Variants in KIAA1755 observed in about 807,000 individuals in gnomAD.
The protein encoded by KIAA1755 is uncharacterized protein KIAA1755.
In KIAA1755, 68 loss-of-function variants were observed where a neutral mutation model predicts 91.7. The ratio of observed to expected loss-of-function variants is 0.74; its 90% confidence interval spans 0.61 to 0.91. KIAA1755 has a LOEUF of 0.91. KIAA1755 is among the 40% of genes least tolerant of loss of function. The pLI is 0.00. For missense variants in KIAA1755, 1,535 were observed against 1,494.4 expected (o/e 1.03, Z -0.45); for synonymous variants, 610 against 604.6 (o/e 1.01, Z -0.13).
intron 1 of KIAA1755, among the ~76,000 whole-genome samples, chr20:38,248,314 G>A (rs2076191260): frequency 1.3e-5 from 2 of 152,200 alleles, no homozygotes; most frequent in Non-Finnish European, 2.9e-5. Flanking sequence ...CATAGAGCGG[G>A]AGCCAAGGAA....
chr20:38,250,494 G>GTGTGTGTC (rs2076229740), intron 1 of KIAA1755, among the ~76,000 whole-genome samples: 1 of 131,884 alleles, frequency 7.6e-6, no homozygotes, highest in Non-Finnish European at 1.6e-5. Context: ...TATGGTGTGT[G>GTGTGTGTC]TGTGTGTGTG....
intron 1 of KIAA1755, among the ~76,000 whole-genome samples, chr20:38,254,988 C>T (rs2076315243): frequency 6.6e-6 from 1 of 152,022 alleles, no homozygotes; most frequent in African/African-American, 2.4e-5. Context: ...ACCAGCCTGG[C>T]CAACATAGTG....
intron 1 of KIAA1755, among the ~76,000 whole-genome samples, chr20:38,247,297 C>T (rs942021794): frequency 2.6e-5 from 4 of 152,222 alleles, no homozygotes; most frequent in African/African-American, 9.6e-5. Context: ...CCTCCGCCCC[C>T]GCCTCCCCTC....
At chr20:38,219,900 G>T in intron 10 of KIAA1755, 132 bp from the exon 11 acceptor site, 1 of 1,179,950 alleles carries the variant, frequency 8.5e-7, no homozygotes, top group Non-Finnish European at 1.2e-6. Context: ...CTGTGTGACT[G>T]TGGGCAGGCC....
intron 1 of KIAA1755, among the ~76,000 whole-genome samples, chr20:38,255,967 C>T (rs1046517130): frequency 2.0e-5 from 3 of 152,238 alleles, no homozygotes; most frequent in Non-Finnish European, 4.4e-5. Context: ...ACCAGAGCTG[C>T]TTCCTACTGT....
intron 6 of KIAA1755, 53 bp from the exon 7 acceptor site, chr20:38,227,293 C>G (rs1349375585): frequency 7.2e-7 from 1 of 1,383,148 alleles, no homozygotes; most frequent in Non-Finnish European, 1.0e-6. Context: ...CATGAAGCCT[C>G]ACACACTTTG....
intron 5 of KIAA1755, among the ~76,000 whole-genome samples, chr20:38,228,946 T>C (rs2075810139): frequency 6.6e-6 from 1 of 152,188 alleles, no homozygotes; most frequent in Non-Finnish European, 1.5e-5. Flanking sequence ...TCTTAGGATT[T>C]TCCAAACTGG....
At position 38,239,519 on chromosome 20, in the gene KIAA1755, C is replaced by T. The variant is rs572457255; in HGVS notation, c.1747+9G>A. Reference sequence around the variant, plus strand: ...CTCCCTACCACCTCCTGCTTGAATCCCCTGGAACCTGGCAGGCATGCTATC... The same window carrying T: ...CTCCCTACCACCTCCTGCTTGAATCTCCTGGAACCTGGCAGGCATGCTATC... On this transcript the variant is annotated intron_variant, in intron 4 of 13. Coordinates refer to ENST00000279024, the MANE Select transcript of KIAA1755 (RefSeq NM_001029864.2). The T allele has an allele frequency of 1.2e-6, 2 of 1,613,398 alleles. No individual in the cohort carries two copies. The highest frequency in any genetic ancestry group is 1.3e-5 in the African/African-American group (1 of 75,026).
intron 4 of KIAA1755, among the ~76,000 whole-genome samples, chr20:38,235,724 G>A (rs754428954): frequency 6.6e-6 from 1 of 152,220 alleles, no homozygotes; most frequent in African/African-American, 2.4e-5. Context: ...CATACAGAGC[G>A]ATCAGATAAT....
intron 8 of KIAA1755, among the ~76,000 whole-genome samples, chr20:38,224,985 A>T (rs1035439057): frequency 2.0e-5 from 3 of 151,878 alleles, no homozygotes; most frequent in Admixed American, 2.0e-4. Context: ...CTGTAAATTT[A>T]TTTTATTTTA....
chr20:38,250,502 GTGTGTGTGTC>G (rs2076231250), intron 1 of KIAA1755, among the ~76,000 whole-genome samples: 1 of 141,632 alleles, frequency 7.1e-6, no homozygotes, highest in Non-Finnish European at 1.5e-5. Flanking sequence ...GTGTGTGTGT[GTGTGTGTGTC>G]TGTGTGTGTG....
rs776912322 is a variant in KIAA1755 at position 38,231,275 on chromosome 20, C to T, written c.1798G>A (p.Gly600Arg). The change falls in exon 5 of 14, where the codon GGG (glycine) becomes AGG (arginine). Residue 600 changes from glycine to arginine, a missense_variant. By Grantham distance (125) the Gly-to-Arg change is moderately radical. Coordinates refer to ENST00000279024, the MANE Select transcript of KIAA1755 (RefSeq NM_001029864.2). ...RPLLLVSTTE[G>R]AWEAPWCTVS... is the part of the protein sequence containing the mutation. Reference sequence around the variant, plus strand: ...GTGCACCATGGTGCCTCCCAGGCCCCCTCTGTAGTTGACACCAGAAGCAGG... The same window carrying T: ...GTGCACCATGGTGCCTCCCAGGCCCTCTCTGTAGTTGACACCAGAAGCAGG... 6.2e-7 allele frequency: 1 copy of T among 1,612,748 alleles called. No individual in the cohort carries two copies. Among genetic ancestry groups the T allele is most frequent in the East Asian group, 2.2e-5 (1 of 44,838 alleles).
chr20:38,213,538 T>A lies in KIAA1755; in HGVS notation c.3107A>T (p.Glu1036Val). The change falls in exon 14 of 14, where the codon GAG becomes GTG. Residue 1036 changes from glutamate to valine, a missense_variant. By Grantham distance (121) the Glu-to-Val change is moderately radical (BLOSUM62 -2). Coordinates refer to ENST00000279024, the MANE Select transcript of KIAA1755 (RefSeq NM_001029864.2). ...RAGLGQELWE[E>V]ARIRHEEIRM... ...GATCTCCTCATGCCTGATCCGGGCCTCCTCCCATAGCTCCTGGCCCAGGCC... is the reference window on the plus strand; with the variant it reads ...GATCTCCTCATGCCTGATCCGGGCCACCTCCCATAGCTCCTGGCCCAGGCC... 6.2e-7 allele frequency: 1 copy of A among 1,609,934 alleles called. No individual in the cohort carries two copies. Among genetic ancestry groups the A allele is most frequent in the Non-Finnish European group, 8.5e-7 (1 of 1,178,420 alleles).
chr20:38,227,262 G>A (rs746674671), intron 6 of KIAA1755, 22 bp from the exon 7 acceptor site: 1 of 1,593,304 alleles, frequency 6.3e-7, no homozygotes, highest in African/African-American at 1.3e-5. Flanking sequence ...AACCACTGCA[G>A]AGTTGCTCTG....
intron 4 of KIAA1755, among the ~76,000 whole-genome samples, chr20:38,237,914 G>A (rs1034157501): frequency 2.0e-5 from 3 of 152,118 alleles, no homozygotes; most frequent in Non-Finnish European, 2.9e-5. Context: ...GCATGTGGAC[G>A]TTGCTCATTC....
At chr20:38,228,101 TG>T (rs767278866) in intron 6 of KIAA1755, 45 bp downstream of exon 6, 58 of 1,430,672 alleles carry the variant, frequency 4.1e-5, no homozygotes, top group Admixed American at 1.4e-4. Flanking sequence ...AGGCCCCTGG[TG>T]GCTCCCAGGA....
At chr20:38,229,486 G>A (rs1600598655) in intron 5 of KIAA1755, among the ~76,000 whole-genome samples, 1 of 152,304 alleles carries the variant, frequency 6.6e-6, no homozygotes, top group East Asian at 1.9e-4. Flanking sequence ...TGCCCATGCT[G>A]GACAGTGATT....
At chr20:38,216,882 A>C in intron 13 of KIAA1755, 1 of 491,612 alleles carries the variant, frequency 2.0e-6, no homozygotes, top group Non-Finnish European at 4.0e-6. Context: ...TGCTTGGTGA[A>C]GGGATCTGTC....
rs766465657 is a variant in KIAA1755 at position 38,219,713 on chromosome 20, C to T, written c.2473G>A (p.Val825Ile). Residue 825 changes from valine to isoleucine, a missense_variant, in exon 11 of 14, where the codon GTT (valine) becomes ATT (isoleucine). Coordinates refer to ENST00000279024, the MANE Select transcript of KIAA1755 (RefSeq NM_001029864.2). ...LYSLVDEQLH[V>I]LVTASNSLLG... The stretch of plus-strand genomic sequence containing the variant: ...AGGCTGTTGGAAGCGGTGACCAGAA[C>T]ATGAAGCTGCTCGTCCACAAGGCTG... 8 of 1,614,180 alleles carry T rather than the reference C, an allele frequency of 5.0e-6. No individual in the cohort carries two copies. Among genetic ancestry groups the T allele is most frequent in the Non-Finnish European group, 4.2e-6 (5 of 1,180,020 alleles).
Sources: gnomAD v4.1 joint callset for allele counts (sites outside exome capture counted in the v4.1 genomes callset) on GRCh38, gnomAD v4.1.1 for gene constraint, MANE v1.5 for transcripts, NCBI Gene and HGNC (gene_info 2026-07-23, HGNC 2026-07-21) for gene names.